The following XPO6 variants were observed in gnomAD, a reference collection of about 807,000 sequenced individuals.
The protein encoded by XPO6 is exportin-6.
A neutral mutation model predicts 130.0 loss-of-function variants in XPO6; 3 were observed. The observed-to-expected ratio is 0.02, with a 90% CI of 0.01 to 0.06. The LOEUF (loss-of-function observed/expected upper bound fraction) is 0.06, where lower values mean the gene tolerates loss of function less well. Ranked by LOEUF, XPO6 falls within the 10% of genes least tolerant of loss-of-function variation. The pLI, the probability that XPO6 is intolerant of heterozygous loss-of-function variation, is 1.00. For missense variants in XPO6, 970 were observed against 1,393.0 expected (o/e 0.70, Z 4.83); for synonymous variants, 524 against 548.9 (o/e 0.95, Z 0.63).
intron 1 of XPO6, among the ~76,000 whole-genome samples, chr16:28,203,114 A>G (rs1007970999): frequency 1.3e-5 from 2 of 152,132 alleles, no homozygotes; most frequent in African/African-American, 4.8e-5. Context: ...CGTATCTACA[A>G]AGAATACAAA....
At chr16:28,181,525 T>G (rs1341189344) in intron 1 of XPO6, among the ~76,000 whole-genome samples, 1 of 151,556 alleles carries the variant, frequency 6.6e-6, no homozygotes, top group African/African-American at 2.4e-5. Context: ...GTGGTTTTTT[T>G]TTTTTTAAGA....
Position 28,121,684 on chromosome 16 carries a change from A to C in XPO6, c.1845T>G (p.Pro615=). The change falls in exon 14 of 24, where the codon CCT becomes CCG. Residue 615 remains proline (P), a synonymous_variant. Coordinates refer to ENST00000304658, the MANE Select transcript of XPO6 (RefSeq NM_015171.4). Reference sequence around the variant, plus strand: ...TCTAGACTTACACATCAATGAGGTCAGGTTTCAATACTGATGGCACAGCAG... The same window carrying C: ...TCTAGACTTACACATCAATGAGGTCCGGTTTCAATACTGATGGCACAGCAG... ...IETAVPSVLK[P]DLIDVHAQSL... 1.2e-6 allele frequency: 2 copies of C among 1,612,644 alleles called. No individual in the cohort carries two copies.
intron 9 of XPO6, among the ~76,000 whole-genome samples, chr16:28,138,317 A>C (rs1467198346): frequency 6.6e-6 from 1 of 152,196 alleles, no homozygotes; most frequent in Non-Finnish European, 1.5e-5. Context: ...CTAGGAAAGA[A>C]AATCTACTTC....
intron 4 of XPO6, among the ~76,000 whole-genome samples, chr16:28,175,124 T>A (rs1004931948): frequency 6.6e-6 from 1 of 152,150 alleles, no homozygotes; most frequent in Non-Finnish European, 1.5e-5. Flanking sequence ...GCCAGAAAAC[T>A]GGAAGTCATT....
intron 1 of XPO6, among the ~76,000 whole-genome samples, chr16:28,211,020 C>G (rs996853871): frequency 1.3e-5 from 2 of 152,222 alleles, no homozygotes. Context: ...CTGGTGTGAT[C>G]ATTAAATACT....
intron 17 of XPO6, among the ~76,000 whole-genome samples, chr16:28,107,890 G>T (rs1352328613): frequency 6.6e-6 from 1 of 152,132 alleles, no homozygotes; most frequent in African/African-American, 2.4e-5. Context: ...GACTCCAGAA[G>T]CCTGGAATGT....
chr16:28,118,020 G>A (rs2087113847), intron 14 of XPO6, among the ~76,000 whole-genome samples: 1 of 152,336 alleles, frequency 6.6e-6, no homozygotes, highest in Middle Eastern at 3.4e-3. Context: ...CATCAAAAAA[G>A]TATGCAATTC....
intron 15 of XPO6, among the ~76,000 whole-genome samples, chr16:28,114,199 C>CAAAAA (rs71389524): frequency 1.0e-5 from 1 of 97,750 alleles, no homozygotes; most frequent in Admixed American, 1.0e-4. Flanking sequence ...TACATCCTCA[C>CAAAAA]AAAAAAAAAA....
rs1447575147 is a variant in XPO6 at position 28,135,201 on chromosome 16, G to A, written c.1443+15C>T. ...CATGACAGCGACAAAAAATCAATCAGGGCATGCCGCTTACATCGTCATCCA... is the reference window on the plus strand; with the variant it reads ...CATGACAGCGACAAAAAATCAATCAAGGCATGCCGCTTACATCGTCATCCA... On this transcript the variant is annotated intron_variant, in intron 10 of 23. Coordinates refer to ENST00000304658, the MANE Select transcript of XPO6 (RefSeq NM_015171.4). 5 of 1,606,996 alleles carry A rather than the reference G, an allele frequency of 3.1e-6. No homozygotes were observed. Among genetic ancestry groups the A allele is most frequent in the East Asian group, 4.5e-5 (2 of 44,786 alleles).
chr16:28,181,149 A>G (rs1351971301), intron 1 of XPO6, 118 bp from the exon 2 acceptor site: 9 of 731,534 alleles, frequency 1.2e-5, no homozygotes, highest in African/African-American at 1.8e-5. Flanking sequence ...ATCTTGGTTC[A>G]ACATTCTTCA....
chr16:28,182,158 C>T (rs958923753), intron 1 of XPO6, among the ~76,000 whole-genome samples: 1 of 152,140 alleles, frequency 6.6e-6, no homozygotes, highest in African/African-American at 2.4e-5. Context: ...TCCCCATATC[C>T]TCTCCATCAA....
At chr16:28,186,672 A>ATTTTTTTTT (rs35690546) in intron 1 of XPO6, among the ~76,000 whole-genome samples, 4,723 of 140,564 alleles carry the variant, frequency 0.034, 269 homozygotes, top group East Asian at 0.15. Context: ...ATTCAGCCTA[A>ATTTTTTTTT]TTTTTTTTTT....
At chr16:28,107,976 A>C (rs773044542) in intron 17 of XPO6, among the ~76,000 whole-genome samples, 32 of 152,138 alleles carry the variant, frequency 2.1e-4, no homozygotes, top group Non-Finnish European at 4.1e-4. Flanking sequence ...ATTGGCAACA[A>C]GTCCACAGAA....
intron 8 of XPO6, 26 bp from the exon 9 acceptor site, chr16:28,146,229 A>G (rs758070344): frequency 1.3e-6 from 2 of 1,505,180 alleles, no homozygotes; most frequent in South Asian, 1.1e-5. Context: ...AATCCAGACA[A>G]TGAAATTATT....
At chr16:28,155,512 G>T (rs1596894586) in intron 7 of XPO6, 1 of 149,476 alleles carries the variant, frequency 6.7e-6, no homozygotes, top group Non-Finnish European at 1.5e-5. Flanking sequence ...CAATAACAAA[G>T]AAACACAGCT....
chr16:28,098,425 G>T lies in XPO6; in HGVS notation c.*113C>A. On this transcript the variant is annotated 3_prime_UTR_variant, in exon 24 of 24. Coordinates refer to ENST00000304658, the MANE Select transcript of XPO6 (RefSeq NM_015171.4). ...GCAGAGGCAGGCAGCGTTGCTTGCGGTGGGAGAAGCCAAGGAGTGTGACCA... is the reference window on the plus strand; with the variant it reads ...GCAGAGGCAGGCAGCGTTGCTTGCGTTGGGAGAAGCCAAGGAGTGTGACCA... 1.1e-6 allele frequency: 1 copy of T among 898,280 alleles called. No homozygotes were observed. Among genetic ancestry groups the T allele is most frequent in the Non-Finnish European group, 1.7e-6 (1 of 584,088 alleles). The allele number at this position is 898,280 out of a possible 1,614,324, so 55.6% of individuals were successfully genotyped here.
At chr16:28,147,437 G>GA (rs1384940132) in intron 8 of XPO6, among the ~76,000 whole-genome samples, 3 of 21,784 alleles carry the variant, frequency 1.4e-4, no homozygotes, top group Non-Finnish European at 1.1e-3. Flanking sequence ...AGGAAAGGAA[G>GA]AAAAAGAAAG....
intron 13 of XPO6, among the ~76,000 whole-genome samples, chr16:28,124,202 C>A (rs1263056006): frequency 1.3e-5 from 2 of 151,972 alleles, no homozygotes; most frequent in African/African-American, 4.8e-5. Context: ...GGATTACAGG[C>A]GCATGTCCCC....
intron 9 of XPO6, among the ~76,000 whole-genome samples, chr16:28,144,479 C>G (rs2042948759): frequency 6.6e-6 from 1 of 152,186 alleles, no homozygotes; most frequent in Non-Finnish European, 1.5e-5. Context: ...AGCGTGATCA[C>G]TGCACACAAC....
Sources: gnomAD v4.1 joint callset for allele counts (sites outside exome capture counted in the v4.1 genomes callset) on GRCh38, gnomAD v4.1.1 for gene constraint, MANE v1.5 for transcripts, NCBI Gene and HGNC (gene_info 2026-07-23, HGNC 2026-07-21) for gene names.